FGD5: variants seen among roughly 807,000 people sequenced by gnomAD.
The protein encoded by FGD5 is FYVE, RhoGEF and PH domain containing 5.
Under a neutral mutation model 133.4 loss-of-function variants are expected in FGD5, and 28 were observed. The observed-to-expected ratio is 0.21, with a 90% CI of 0.16 to 0.29. The LOEUF is 0.29. Among genes scored for constraint, FGD5 ranks in the 10% least tolerant of loss-of-function variants. The pLI is 1.00. For missense variants in FGD5, 1,858 were observed against 1,895.2 expected (o/e 0.98, Z 0.36); for synonymous variants, 810 against 776.5 (o/e 1.04, Z -0.72).
chr3:14,874,370 T>A (rs2037675271), intron 2 of FGD5, among the ~76,000 whole-genome samples: 1 of 151,980 alleles, frequency 6.6e-6, no homozygotes. Flanking sequence ...AATAAAAAAA[T>A]TAGCTGGGTG....
chr3:14,922,328 CGCAGG>C lies in FGD5; in HGVS notation c.3670-75_3670-71del. 3 of 1,520,338 alleles carry C rather than the reference CGCAGG, an allele frequency of 2.0e-6. No individual in the cohort carries two copies. In the South Asian group the frequency reaches 3.7e-5, roughly 19 times the overall value. 94.2% of individuals were successfully genotyped at this position (1,520,338 alleles called of 1,614,324 possible). A position where few individuals can be genotyped will look rare whatever the true frequency, so the allele number is the denominator to read the frequency against. On this transcript the variant is annotated intron_variant, in intron 14 of 19. Coordinates refer to ENST00000285046, the MANE Select transcript of FGD5 (RefSeq NM_152536.4). The surrounding 1 kb of genome is among the most constrained non-coding windows in gnomAD (Gnocchi z 4.1). Reference sequence around the variant, plus strand: ...ACACATCACACACCCTGCACAGAGACGCAGGGCAGGGCTCACTGGGCTCTGCATCT... The same window carrying C: ...ACACATCACACACCCTGCACAGAGACGCAGGGCTCACTGGGCTCTGCATCT...
chr3:14,899,020 C>G (rs1406971619), intron 7 of FGD5, among the ~76,000 whole-genome samples, 194 bp downstream of exon 7: 1 of 152,140 alleles, frequency 6.6e-6, no homozygotes, highest in African/African-American at 2.4e-5. Flanking sequence ...CCTTAGAACG[C>G]TCCCTCCAGT....
In FGD5 at chr3:14,819,247, C is replaced by T. The variant is rs1317252410; in HGVS notation, c.176C>T (p.Ser59Leu). 1.2e-5 allele frequency: 19 copies of T among 1,540,124 alleles called. No homozygotes were observed. Among genetic ancestry groups the T allele is most frequent in the Non-Finnish European group, 1.6e-5 (18 of 1,141,800 alleles). ...CGGTCCATCCCAAAGTGCTCTGAGT[C>T]GGAGACCGACGAGGATTACATCGTG... ...GPRSIPKCSESETDEDYIVVP... is the reference protein window; with the variant it reads ...GPRSIPKCSELETDEDYIVVP... Residue 59 changes from serine to leucine, a missense_variant, in exon 1 of 20, where the codon TCG (serine) becomes TTG (leucine). Ser to Leu is a moderately radical substitution (Grantham distance 145). Coordinates refer to ENST00000285046, the MANE Select transcript of FGD5 (RefSeq NM_152536.4). This position sits in a 1 kb window ranked among gnomAD's most constrained non-coding sequence, Gnocchi z 4.1.
At chr3:14,895,010 A>G (rs2038105899) in intron 4 of FGD5, among the ~76,000 whole-genome samples, 2 of 152,176 alleles carry the variant, frequency 1.3e-5, no homozygotes, top group African/African-American at 4.8e-5. Flanking sequence ...TCTTCTTTAG[A>G]GAAATATCTG....
chr3:14,861,466 AC>A (rs1421182517), intron 1 of FGD5, among the ~76,000 whole-genome samples: 6 of 152,064 alleles, frequency 3.9e-5, no homozygotes, highest in Admixed American at 3.3e-4. Flanking sequence ...CCAAGACCCA[AC>A]TCCACATATC....
At chr3:14,878,032 C>G (rs2037752996) in intron 2 of FGD5, among the ~76,000 whole-genome samples, 1 of 152,198 alleles carries the variant, frequency 6.6e-6, no homozygotes, top group Admixed American at 6.5e-5. Flanking sequence ...TTCTTTAGGT[C>G]AGGCAGTCAT....
At chr3:14,876,553 C>T (rs950606568) in intron 2 of FGD5, among the ~76,000 whole-genome samples, 1 of 152,014 alleles carries the variant, frequency 6.6e-6, no homozygotes, top group African/African-American at 2.4e-5. Context: ...AATAAACCAC[C>T]CTGTTTTCTA....
intron 4 of FGD5, among the ~76,000 whole-genome samples, chr3:14,895,992 G>A (rs1272679396): frequency 6.6e-6 from 1 of 151,672 alleles, no homozygotes; most frequent in Non-Finnish European, 1.5e-5. Flanking sequence ...TACCCAAAGT[G>A]AACAATCTAA....
At position 14,921,859 on chromosome 3, in the gene FGD5, G is replaced by A; in HGVS notation, c.3570-59G>A. 1.1e-5 allele frequency: 16 copies of A among 1,492,054 alleles called. 1 individual carries two copies. The South Asian group carries it at 1.9e-4, about 18-fold the overall frequency. The allele number at this position is 1,492,054 out of a possible 1,614,324, so 92.4% of individuals were successfully genotyped here. A position where few individuals can be genotyped will look rare whatever the true frequency, so the allele number is the denominator to read the frequency against. On this transcript the variant is annotated intron_variant, in intron 13 of 19. Coordinates refer to ENST00000285046, the MANE Select transcript of FGD5 (RefSeq NM_152536.4). ...TGAGTGAGAACCTCATCCATGCCGAGATGGAGGGTGGGAGGCAGAGCTGCT... is the reference window on the plus strand; with the variant it reads ...TGAGTGAGAACCTCATCCATGCCGAAATGGAGGGTGGGAGGCAGAGCTGCT...
chr3:14,913,139 C>A (rs2038483865), intron 11 of FGD5, among the ~76,000 whole-genome samples: 1 of 152,190 alleles, frequency 6.6e-6, no homozygotes, highest in African/African-American at 2.4e-5. Context: ...ACACTTACTA[C>A]TTCTGTGACC....
intron 4 of FGD5, among the ~76,000 whole-genome samples, chr3:14,891,062 A>T (rs543652896): frequency 6.6e-6 from 1 of 152,188 alleles, no homozygotes; most frequent in South Asian, 2.1e-4. Flanking sequence ...TTGTCAGACA[A>T]TGCCCACACA....
intron 18 of FGD5, among the ~76,000 whole-genome samples, chr3:14,930,425 G>C (rs898120768): frequency 6.6e-5 from 10 of 152,022 alleles, no homozygotes; most frequent in African/African-American, 2.4e-4. Flanking sequence ...ATGAAACCCC[G>C]TCTCTACTAA....
upstream of FGD5, among the ~76,000 whole-genome samples, chr3:14,816,515 G>A (rs189883167): frequency 2.1e-4 from 32 of 152,276 alleles, no homozygotes; most frequent in African/African-American, 7.2e-4. Context: ...TTGAGGGTAG[G>A]TGCTGTGTGG....
Position 14,820,868 on chromosome 3 carries a change from C to T in FGD5, c.1797C>T (p.Asn599=). The T allele has an allele frequency of 6.2e-7, 1 of 1,613,654 alleles. No individual in the cohort carries two copies. Among genetic ancestry groups the T allele is most frequent in the Non-Finnish European group, 8.5e-7 (1 of 1,179,776 alleles). ...IGSSGSFSQR[N]HLPSSGTSTP... ...CCTCTGGGAGTTTCTCCCAGAGAAA[C>T]CACCTTCCGTCCAGCGGCACCTCCA... The change falls in exon 1 of 20, where the codon AAC becomes AAT. Residue 599 remains asparagine, a synonymous_variant. Transcript: ENST00000285046.
Position 14,926,055 on chromosome 3 carries a change from C to T in FGD5, c.4069-15C>T. The T allele has an allele frequency of 8.7e-6, 14 of 1,613,152 alleles. No homozygotes were observed. The highest frequency in any genetic ancestry group is 1.2e-5 in the Non-Finnish European group (14 of 1,179,592). Reference sequence around the variant, plus strand: ...CCACCGGGGTGGGCTGACCGCTCTGCTTCCCTCCTGCCAGGTGGCTGCCTC... The same window carrying T: ...CCACCGGGGTGGGCTGACCGCTCTGTTTCCCTCCTGCCAGGTGGCTGCCTC... On this transcript the variant is annotated splice_polypyrimidine_tract_variant and intron_variant, in intron 17 of 19. Coordinates refer to ENST00000285046, the MANE Select transcript of FGD5 (RefSeq NM_152536.4).
intron 2 of FGD5, among the ~76,000 whole-genome samples, chr3:14,872,912 A>G (rs2037640259): frequency 6.6e-6 from 1 of 152,218 alleles, no homozygotes; most frequent in Admixed American, 6.5e-5. Flanking sequence ...GACATTGCTT[A>G]TCTTGAGGCC....
Position 14,821,511 on chromosome 3 carries a change from G to C in FGD5, c.2440G>C (p.Ala814Pro). The C allele has an allele frequency of 1.2e-6, 2 of 1,613,984 alleles. No individual in the cohort carries two copies. Among genetic ancestry groups the C allele is most frequent in the Non-Finnish European group, 1.7e-6 (2 of 1,179,882 alleles). Residue 814 changes from alanine to proline, a missense_variant, in exon 1 of 20, where the codon GCA becomes CCA. Ala to Pro is a conservative substitution (Grantham distance 27). Transcript: ENST00000285046. ...FEDQSRALSTANENDGYVDMS... is the reference protein window; with the variant it reads ...FEDQSRALSTPNENDGYVDMS... The stretch of plus-strand genomic sequence containing the variant: ...AGATCAGAGCAGAGCCCTGTCCACA[G>C]CAAACGAAAATGATGGCTACGTGGA...
chr3:14,819,830 C>T lies in FGD5; in HGVS notation c.759C>T (p.Pro253=), dbSNP rs1018812319. 2.2e-5 allele frequency: 35 copies of T among 1,604,392 alleles called. No homozygotes were observed. Among genetic ancestry groups the T allele is most frequent in the African/African-American group, 2.7e-5 (2 of 74,730 alleles). The part of the protein sequence containing the change: ...GQDAEDTSEE[P]PEKEELAGVQ... Reference sequence around the variant, plus strand: ...ATGCTGAGGACACCAGTGAGGAGCCCCCTGAGAAGGAGGAGCTGGCCGGGG... The same window carrying T: ...ATGCTGAGGACACCAGTGAGGAGCCTCCTGAGAAGGAGGAGCTGGCCGGGG... The change falls in exon 1 of 20, where the codon CCC becomes CCT. Residue 253 remains proline (P), a synonymous_variant. Transcript: ENST00000285046. The surrounding 1 kb of genome is among the most constrained non-coding windows in gnomAD (Gnocchi z 4.1).
chr3:14,821,919 G>A (rs368239216), intron 1 of FGD5, among the ~76,000 whole-genome samples: 1 of 152,106 alleles, frequency 6.6e-6, no homozygotes, highest in Non-Finnish European at 1.5e-5. Flanking sequence ...GGTCAACATG[G>A]TGAAACCCCG....
Sources: gnomAD v4.1 joint callset for allele counts (sites outside exome capture counted in the v4.1 genomes callset) on GRCh38, gnomAD v4.1.1 for gene constraint, Gnocchi (gnomAD v3.1) non-coding constraint, MANE v1.5 for transcripts, NCBI Gene and HGNC (gene_info 2026-07-23, HGNC 2026-07-21) for gene names.